The following ADAM18 variants were observed in gnomAD, a reference collection of about 807,000 sequenced individuals.
The protein encoded by ADAM18 is disintegrin and metalloproteinase domain-containing protein 18.
In ADAM18, 117 loss-of-function variants were observed where a neutral mutation model predicts 94.4. The observed-to-expected ratio is 1.24, with a 90% CI of 1.07 to 1.45. The LOEUF (loss-of-function observed/expected upper bound fraction) is 1.45. Ranked by LOEUF, ADAM18 falls within the 40% of genes most tolerant of loss-of-function variation. The probability of loss-of-function intolerance (pLI) is 0.00; values close to 1 mark genes in which losing one functional copy is unlikely to be tolerated. For synonymous variants in ADAM18, 327 were observed against 291.6 expected, an observed-to-expected ratio of 1.12 and a Z score of -1.24; for missense variants, 936 against 880.0, an observed-to-expected ratio of 1.06 and a Z score of -0.81.
At chr8:39,724,355 T>C (rs1179027511) in intron 19 of ADAM18, among the ~76,000 whole-genome samples, 1 of 151,878 alleles carries the variant, frequency 6.6e-6, no homozygotes, top group Non-Finnish European at 1.5e-5. Flanking sequence ...TTACACAAAG[T>C]TATTCGTAGT....
intron 17 of ADAM18, among the ~76,000 whole-genome samples, chr8:39,701,753 T>A (rs943269205): frequency 6.6e-6 from 1 of 152,150 alleles, no homozygotes; most frequent in African/African-American, 2.4e-5. Flanking sequence ...GATTTTCTGT[T>A]CCTGTGTTTG....
At chr8:39,707,568 C>G (rs554205698) in intron 18 of ADAM18, among the ~76,000 whole-genome samples, 43 of 152,196 alleles carry the variant, frequency 2.8e-4, no homozygotes, top group African/African-American at 1.0e-3. Context: ...ATTTCTTTCT[C>G]CTTCTTTACA....
At chr8:39,648,050 C>A (rs1041720383) in intron 11 of ADAM18, among the ~76,000 whole-genome samples, 1 of 152,016 alleles carries the variant, frequency 6.6e-6, no homozygotes, top group Admixed American at 6.5e-5. Context: ...GCAGAGGGAA[C>A]AATAGATAGA....
intron 12 of ADAM18, among the ~76,000 whole-genome samples, chr8:39,657,731 G>A (rs946923772): frequency 2.0e-5 from 3 of 152,016 alleles, no homozygotes; most frequent in African/African-American, 4.8e-5. Flanking sequence ...CTTTAGATAC[G>A]TTCATTTTAA....
At chr8:39,720,669 C>T (rs1822720224) in intron 18 of ADAM18, among the ~76,000 whole-genome samples, 1 of 151,274 alleles carries the variant, frequency 6.6e-6, no homozygotes, top group Non-Finnish European at 1.5e-5. Context: ...TGTGAGCTTT[C>T]ATCCAACTGT....
At chr8:39,620,412 A>G (rs1819580823) in intron 6 of ADAM18, among the ~76,000 whole-genome samples, 1 of 147,516 alleles carries the variant, frequency 6.8e-6, no homozygotes, top group South Asian at 2.1e-4. Flanking sequence ...GAAAAAATGT[A>G]AAAAAAAACC....
chr8:39,687,692 G>C (rs1329151441), intron 16 of ADAM18, among the ~76,000 whole-genome samples: 1 of 152,070 alleles, frequency 6.6e-6, no homozygotes, highest in African/African-American at 2.4e-5. Flanking sequence ...TTAATGTTTA[G>C]CTCCCACTTA....
At chr8:39,677,292 T>C in intron 14 of ADAM18, 139 bp from the exon 15 acceptor site, 1 of 605,902 alleles carries the variant, frequency 1.7e-6, no homozygotes, top group Non-Finnish European at 2.8e-6. Flanking sequence ...TCTACTTGCA[T>C]TGACAGGGTA....
chr8:39,709,442 A>T (rs1822333417), intron 18 of ADAM18, among the ~76,000 whole-genome samples: 1 of 152,170 alleles, frequency 6.6e-6, no homozygotes, highest in South Asian at 2.1e-4. Flanking sequence ...AAAAGGCAAC[A>T]TTCAAGTGAG....
At chr8:39,725,704 G>A (rs1822885360) in intron 19 of ADAM18, among the ~76,000 whole-genome samples, 2 of 152,128 alleles carry the variant, frequency 1.3e-5, no homozygotes, top group Admixed American at 1.3e-4. Flanking sequence ...TTAAGGATGA[G>A]TAATCTTCCA....
At chr8:39,713,767 C>CA (rs199558980) in intron 18 of ADAM18, among the ~76,000 whole-genome samples, 2,975 of 152,170 alleles carry the variant, frequency 0.02, 89 homozygotes, top group African/African-American at 0.068. Context: ...GTTAGAATGG[C>CA]AATCATTAAA....
Position 39,595,301 on chromosome 8 carries a change from A to G in ADAM18, c.132+9949A>G, listed in dbSNP as rs1484269720. Among the ~76,000 whole-genome samples, 4 of 152,032 alleles carry G rather than the reference A, an allele frequency of 2.6e-5. No homozygotes were observed. The East Asian group carries it at 7.7e-4, about 29-fold the overall frequency. ...AAGCACAGGGCTGACTTTCACTGCC[A>G]TGGAGGTGGTGCTTCATCACTACAA... is the stretch of plus-strand genomic sequence containing the variant. On this transcript the variant is annotated intron_variant, in intron 2 of 19. Transcript: ENST00000265707.
At chr8:39,649,245 C>A (rs1401500889) in intron 12 of ADAM18, among the ~76,000 whole-genome samples, 3 of 152,110 alleles carry the variant, frequency 2.0e-5, no homozygotes, top group Non-Finnish European at 4.4e-5. Flanking sequence ...TCTCTCAATT[C>A]TTTTAAGTCA....
intron 12 of ADAM18, among the ~76,000 whole-genome samples, chr8:39,654,946 A>G (rs1249474462): frequency 6.6e-6 from 1 of 152,148 alleles, no homozygotes; most frequent in Non-Finnish European, 1.5e-5. Flanking sequence ...AGCTATTATC[A>G]AATGTGTAAT....
At chr8:39,715,178 T>C (rs1822536106) in intron 18 of ADAM18, among the ~76,000 whole-genome samples, 1 of 151,998 alleles carries the variant, frequency 6.6e-6, no homozygotes, top group African/African-American at 2.4e-5. Context: ...AAAAGAGAAC[T>C]GTAAAGCCCT....
intron 13 of ADAM18, among the ~76,000 whole-genome samples, chr8:39,665,838 ACTATTTTTGCTGTATAGT>A (rs1820981554): frequency 2.6e-5 from 4 of 152,208 alleles, no homozygotes; most frequent in African/African-American, 4.8e-5. Flanking sequence ...ATATGTTTTT[ACTATTTTTGCTGTATAGT>A]CTTTTATCTT....
At chr8:39,601,839 C>T (rs1818914767) in intron 2 of ADAM18, among the ~76,000 whole-genome samples, 1 of 152,008 alleles carries the variant, frequency 6.6e-6, no homozygotes, top group South Asian at 2.1e-4. Flanking sequence ...GATGGCCTTC[C>T]CCAGCCCTTT....
chr8:39,618,866 G>A (rs962765285), intron 6 of ADAM18, among the ~76,000 whole-genome samples: 1 of 152,126 alleles, frequency 6.6e-6, no homozygotes, highest in African/African-American at 2.4e-5. Context: ...CTCTGCAGGG[G>A]GAAGCACATC....
chr8:39,673,752 G>C (rs1459800112), intron 14 of ADAM18, among the ~76,000 whole-genome samples: 1 of 151,994 alleles, frequency 6.6e-6, no homozygotes, highest in Non-Finnish European at 1.5e-5. Flanking sequence ...TTTCTCTTGT[G>C]GGCATTTAGT....
Sources: gnomAD v4.1 joint callset for allele counts (sites outside exome capture counted in the v4.1 genomes callset) on GRCh38, gnomAD v4.1.1 for gene constraint, MANE v1.5 for transcripts, NCBI Gene and HGNC (gene_info 2026-07-23, HGNC 2026-07-21) for gene names.